Variants in PLCL1 observed in about 807,000 individuals in gnomAD.
The protein encoded by PLCL1 is phospholipase C like 1 (inactive), also known as inactive phospholipase C-like protein 1.
PLCL1 carries 41 observed loss-of-function variants against 84.4 expected under a neutral mutation model. The ratio of observed to expected loss-of-function variants is 0.49; its 90% CI spans 0.38 to 0.63. The LOEUF (loss-of-function observed/expected upper bound fraction) is 0.63. PLCL1 is among the 30% of genes least tolerant of loss of function. The pLI is 0.00. For missense variants in PLCL1, 1,206 were observed against 1,367.8 expected (o/e 0.88, Z 1.87); for synonymous variants, 490 against 488.3 (o/e 1.00, Z -0.05).
At chr2:197,940,999 A>G (rs1194724417) in intron 1 of PLCL1, among the ~76,000 whole-genome samples, 2 of 152,032 alleles carry the variant, frequency 1.3e-5, no homozygotes, top group Non-Finnish European at 2.9e-5. Context: ...ATACTTGCTG[A>G]TATGCTTTTT....
At chr2:197,847,672 A>T (rs1336513071) in intron 1 of PLCL1, among the ~76,000 whole-genome samples, 1 of 152,216 alleles carries the variant, frequency 6.6e-6, no homozygotes, top group Non-Finnish European at 1.5e-5. Context: ...CCCTCATGTA[A>T]TTCATGGAAT....
intron 1 of PLCL1, among the ~76,000 whole-genome samples, chr2:197,871,074 G>A (rs1687643612): frequency 6.6e-6 from 1 of 152,072 alleles, no homozygotes; most frequent in Non-Finnish European, 1.5e-5. Context: ...TACTTCCTGG[G>A]TCTAATGCCA....
At position 197,998,885 on chromosome 2, in the gene PLCL1, A is replaced by C. The variant is rs189543004; in HGVS notation, c.241-84873A>C. Among the ~76,000 whole-genome samples, 95 of 152,262 alleles carry C rather than the reference A, an allele frequency of 6.2e-4. 3 individuals are homozygous for C. The South Asian group carries it at 0.014, about 22-fold the overall frequency. Reference sequence around the variant, plus strand: ...GAAGGTGTGGGTGGGAACGGAACCCACCCACATGATTGTGAATCACCTAGA... The same window carrying C: ...GAAGGTGTGGGTGGGAACGGAACCCCCCCACATGATTGTGAATCACCTAGA... On this transcript the variant is annotated intron_variant, in intron 1 of 5. Transcript: ENST00000428675.
At chr2:197,866,068 C>CTA (rs1210894385) in intron 1 of PLCL1, among the ~76,000 whole-genome samples, 1 of 46,700 alleles carries the variant, frequency 2.1e-5, no homozygotes, top group Admixed American at 2.5e-4. Flanking sequence ...CACACACACA[C>CTA]TATATATATA....
At chr2:197,865,775 G>T (rs906410641) in intron 1 of PLCL1, among the ~76,000 whole-genome samples, 1 of 151,472 alleles carries the variant, frequency 6.6e-6, no homozygotes. Flanking sequence ...CACTTTGGGA[G>T]GCCAAGGTAG....
chr2:197,863,160 A>T, intron 1 of PLCL1, among the ~76,000 whole-genome samples: 1 of 146,974 alleles, frequency 6.8e-6, no homozygotes. Flanking sequence ...CTTTTCTTAA[A>T]GCGTTTTTTT....
At chr2:197,918,590 AT>A (rs1688639715) in intron 1 of PLCL1, among the ~76,000 whole-genome samples, 1 of 152,152 alleles carries the variant, frequency 6.6e-6, no homozygotes, top group African/African-American at 2.4e-5. Context: ...AAAGTTTATT[AT>A]AAAAAATAAT....
chr2:197,924,136 GGGGAGA>G (rs78981355), intron 1 of PLCL1, among the ~76,000 whole-genome samples: 39,831 of 90,076 alleles, frequency 0.44, 9,067 homozygotes, highest in East Asian at 0.51. Flanking sequence ...GGGAGACCGT[GGGGAGA>G]GGGAGAGGGA....
chr2:198,097,684 A>G (rs1044556287), intron 3 of PLCL1, among the ~76,000 whole-genome samples: 7 of 152,204 alleles, frequency 4.6e-5, no homozygotes, highest in African/African-American at 1.7e-4. Context: ...AGATTTTGTC[A>G]CCATTGTGAA....
intron 1 of PLCL1, among the ~76,000 whole-genome samples, chr2:197,825,938 C>A (rs1315576724): frequency 6.6e-6 from 1 of 152,202 alleles, no homozygotes; most frequent in Non-Finnish European, 1.5e-5. Context: ...ATGGACTTGA[C>A]AATCCATTTA....
chr2:198,014,866 T>C (rs1690956770), intron 1 of PLCL1, among the ~76,000 whole-genome samples: 1 of 152,120 alleles, frequency 6.6e-6, no homozygotes, highest in South Asian at 2.1e-4. Context: ...ATTGTTTTCC[T>C]TTTTATGTCA....
At chr2:197,988,491 A>G (rs1690266246) in intron 1 of PLCL1, among the ~76,000 whole-genome samples, 1 of 152,114 alleles carries the variant, frequency 6.6e-6, no homozygotes, top group Non-Finnish European at 1.5e-5. Context: ...TCCATTCCTG[A>G]GTTACTTCAC....
chr2:197,851,634 G>C (rs930928188), intron 1 of PLCL1, among the ~76,000 whole-genome samples: 2 of 152,240 alleles, frequency 1.3e-5, no homozygotes, highest in African/African-American at 2.4e-5. Context: ...GGAAAGTAGT[G>C]AAAAGCAGTA....
At chr2:198,014,801 T>C (rs1574247270) in intron 1 of PLCL1, among the ~76,000 whole-genome samples, 1 of 152,080 alleles carries the variant, frequency 6.6e-6, no homozygotes, top group Non-Finnish European at 1.5e-5. Flanking sequence ...CCTGTGGCAG[T>C]TGTTTTAAGG....
chr2:198,083,910 C>A lies in PLCL1; in HGVS notation c.393C>A (p.Tyr131Ter). 1.9e-6 allele frequency: 3 copies of A among 1,614,154 alleles called. No individual in the cohort carries two copies. Among genetic ancestry groups the A allele is most frequent in the Non-Finnish European group, 2.5e-6 (3 of 1,179,992 alleles). ...AAGTCCGGCCAAATTCTCGCATTTACAACCGTTTTTTCACTCTGGACACAG... is the reference window on the plus strand; with the variant it reads ...AAGTCCGGCCAAATTCTCGCATTTAAAACCGTTTTTTCACTCTGGACACAG... Reference protein sequence around the residue: ...LKKVRPNSRIYNRFFTLDTDL... With the variant: ...LKKVRPNSRI The change falls in exon 2 of 6, where the codon TAC becomes TAA. Residue 131 changes from tyrosine to a stop codon, truncating the protein, a stop_gained. Transcript: ENST00000428675. LOFTEE classifies it high-confidence loss of function.
intron 5 of PLCL1, among the ~76,000 whole-genome samples, chr2:198,140,157 C>T (rs1288251269): frequency 6.6e-6 from 1 of 152,092 alleles, no homozygotes; most frequent in Non-Finnish European, 1.5e-5. Flanking sequence ...CTGGCCCATA[C>T]TTCTTTTTTA....
intron 1 of PLCL1, among the ~76,000 whole-genome samples, chr2:198,017,269 C>T (rs1163342464): frequency 1.3e-5 from 2 of 152,156 alleles, no homozygotes; most frequent in Non-Finnish European, 2.9e-5. Context: ...GTTTTAAACA[C>T]CTGCTTCCTC....
chr2:197,991,945 A>G (rs1343594507), intron 1 of PLCL1, among the ~76,000 whole-genome samples: 1 of 152,088 alleles, frequency 6.6e-6, no homozygotes, highest in Non-Finnish European at 1.5e-5. Flanking sequence ...CATGGGTGAA[A>G]ACATTTCTCC....
chr2:197,851,912 G>T (rs1687247016), intron 1 of PLCL1, among the ~76,000 whole-genome samples: 1 of 152,186 alleles, frequency 6.6e-6, no homozygotes. Context: ...CCAATGTGAG[G>T]CCACAAGATA....
Sources: gnomAD v4.1 joint callset for allele counts (sites outside exome capture counted in the v4.1 genomes callset) on GRCh38, gnomAD v4.1.1 for gene constraint, MANE v1.5 for transcripts, NCBI Gene and HGNC (gene_info 2026-07-23, HGNC 2026-07-21) for gene names.